The following PRKG1 variants were observed in gnomAD, a reference collection of about 807,000 sequenced individuals.
The protein encoded by PRKG1 is cGMP-dependent protein kinase 1.
A neutral mutation model predicts 88.1 loss-of-function variants in PRKG1; 35 were observed. The observed-to-expected ratio is 0.40, with a 90% CI of 0.30 to 0.53. The LOEUF (loss-of-function observed/expected upper bound fraction) is 0.53. PRKG1 is among the 20% of genes least tolerant of loss of function. PRKG1 has a pLI of 0.59. For missense variants in PRKG1, 540 were observed against 839.8 expected, an observed-to-expected ratio of 0.64 and a Z score of 4.41; for synonymous variants, 303 against 292.5, an observed-to-expected ratio of 1.04 and a Z score of -0.37.
intron 5 of PRKG1, among the ~76,000 whole-genome samples, chr10:51,913,160 C>G (rs192348384): frequency 2.0e-5 from 3 of 152,136 alleles, no homozygotes; most frequent in African/African-American, 7.2e-5. Flanking sequence ...AACGCCTGAC[C>G]TCAGGTGATC....
chr10:51,449,278 C>T lies in PRKG1; in HGVS notation c.479-18445C>T, dbSNP rs116773695. Among the ~76,000 whole-genome samples, 927 of 151,864 alleles carry T rather than the reference C, an allele frequency of 6.1e-3. 6 individuals are homozygous for T. Among genetic ancestry groups the T allele is most frequent in the African/African-American group, 0.021 (880 of 41,464 alleles). On this transcript the variant is annotated intron_variant, in intron 2 of 17. Transcript: ENST00000373980. ...TAAATAAAAATAGTTCAGTTCCTTT[C>T]GTGTTTACTCATTTTTACAGGATGG...
intron 8 of PRKG1, among the ~76,000 whole-genome samples, chr10:52,161,159 T>C (rs1838265441): frequency 6.6e-6 from 1 of 152,060 alleles, no homozygotes; most frequent in Non-Finnish European, 1.5e-5. Flanking sequence ...CATTTTGTGT[T>C]GGCGCTATAA....
chr10:51,845,749 T>C (rs568226019), intron 4 of PRKG1, among the ~76,000 whole-genome samples: 1 of 152,284 alleles, frequency 6.6e-6, no homozygotes, highest in African/African-American at 2.4e-5. Context: ...CTACCACATG[T>C]GTAAACTAGC....
At chr10:51,754,678 T>C (rs1837811584) in intron 3 of PRKG1, among the ~76,000 whole-genome samples, 1 of 152,216 alleles carries the variant, frequency 6.6e-6, no homozygotes, top group Admixed American at 6.5e-5. Context: ...CATGCTGTCT[T>C]GCAGAAGGTG....
At chr10:52,279,946 C>T (rs7085151) in intron 12 of PRKG1, among the ~76,000 whole-genome samples, 380 of 151,972 alleles carry the variant, frequency 2.5e-3, no homozygotes, top group African/African-American at 8.8e-3. Flanking sequence ...TTAAGACGTT[C>T]TGCCCTAGAA....
chr10:51,390,949 G>A (rs183871637), intron 2 of PRKG1, among the ~76,000 whole-genome samples: 1 of 152,112 alleles, frequency 6.6e-6, no homozygotes, highest in Non-Finnish European at 1.5e-5. Context: ...TAATCCTATG[G>A]TTGAAAAACC....
At position 51,737,751 on chromosome 10, in the gene PRKG1, TTA is replaced by T. The variant is rs1564627520; in HGVS notation, c.593-66832_593-66831del. Among the ~76,000 whole-genome samples the T allele has an allele frequency of 3.4e-4, 38 of 112,840 alleles. 1 individual carries two copies. The highest frequency in any genetic ancestry group is 8.9e-4 in the African/African-American group (27 of 30,508). 74.0% of individuals were successfully genotyped at this position (112,840 alleles called of 152,430 possible). On this transcript the variant is annotated intron_variant, in intron 3 of 17. Coordinates refer to ENST00000373980, the MANE Select transcript of PRKG1 (RefSeq NM_006258.4). ...TTTATTTATTTATTAATTATTATTATTATTATTATTATTATTATTATTATTTT... is the reference window on the plus strand; with the variant it reads ...TTTATTTATTTATTAATTATTATTATTTATTATTATTATTATTATTATTTT...
intron 3 of PRKG1, among the ~76,000 whole-genome samples, chr10:51,788,706 G>C (rs1589287734): frequency 1.3e-5 from 2 of 152,234 alleles, no homozygotes; most frequent in East Asian, 1.9e-4. Flanking sequence ...AACTTGAAAG[G>C]GTTCACAAAT....
intron 9 of PRKG1, among the ~76,000 whole-genome samples, chr10:52,241,552 C>A (rs113585905): frequency 2.6e-5 from 4 of 152,122 alleles, no homozygotes; most frequent in African/African-American, 9.7e-5. Context: ...ATTATACTGT[C>A]TTTTTATTGT....
chr10:51,545,401 C>T (rs1467846875), intron 3 of PRKG1, among the ~76,000 whole-genome samples: 4 of 152,106 alleles, frequency 2.6e-5, no homozygotes, highest in Non-Finnish European at 5.9e-5. Context: ...GACTTACTGG[C>T]AACTGTGTGA....
At chr10:52,273,269 C>G (rs900057026) in intron 12 of PRKG1, among the ~76,000 whole-genome samples, 2 of 151,768 alleles carry the variant, frequency 1.3e-5, no homozygotes, top group African/African-American at 4.8e-5. Flanking sequence ...CTTTTATTTT[C>G]CTATGAATAA....
intron 3 of PRKG1, among the ~76,000 whole-genome samples, chr10:51,491,222 T>C (rs902072707): frequency 6.6e-6 from 1 of 152,036 alleles, no homozygotes; most frequent in Admixed American, 6.6e-5. Context: ...CACATAGATG[T>C]TGTATTAGTA....
At chr10:51,185,944 G>T (rs1182755710) in intron 2 of PRKG1, among the ~76,000 whole-genome samples, 1 of 151,534 alleles carries the variant, frequency 6.6e-6, no homozygotes, top group Non-Finnish European at 1.5e-5. Context: ...TCATCAAAGA[G>T]TATATGCATT....
At chr10:52,285,439 A>G (rs924655924) in intron 14 of PRKG1, among the ~76,000 whole-genome samples, 2 of 152,136 alleles carry the variant, frequency 1.3e-5, no homozygotes. Context: ...ATGAGGGGAA[A>G]CAGCCATGAT....
chr10:52,001,496 C>T (rs947285767), intron 5 of PRKG1, among the ~76,000 whole-genome samples: 11 of 151,846 alleles, frequency 7.2e-5, no homozygotes, highest in Admixed American at 1.3e-4. Context: ...TTTTGTCAGT[C>T]ATACCTCAGT....
intron 2 of PRKG1, among the ~76,000 whole-genome samples, chr10:51,296,140 CTTG>C (rs1564434372): frequency 6.6e-6 from 1 of 151,974 alleles, no homozygotes; most frequent in African/African-American, 2.4e-5. Flanking sequence ...GTTTCCTTTT[CTTG>C]TTGTATCTTT....
At chr10:51,753,621 G>C (rs910543175) in intron 3 of PRKG1, among the ~76,000 whole-genome samples, 2 of 152,172 alleles carry the variant, frequency 1.3e-5, no homozygotes, top group Non-Finnish European at 2.9e-5. Flanking sequence ...TTCATTTAGA[G>C]AGCCCAATGC....
At chr10:51,263,758 A>C (rs1589291661) in intron 2 of PRKG1, among the ~76,000 whole-genome samples, 1 of 152,230 alleles carries the variant, frequency 6.6e-6, no homozygotes, top group Non-Finnish European at 1.5e-5. Context: ...GATTTATGAA[A>C]GAATAAATGC....
At chr10:51,515,419 T>G (rs948225707) in intron 3 of PRKG1, among the ~76,000 whole-genome samples, 1 of 152,172 alleles carries the variant, frequency 6.6e-6, no homozygotes, top group African/African-American at 2.4e-5. Flanking sequence ...GTGTGGTATA[T>G]CCAAATAATA....
Sources: gnomAD v4.1 joint callset for allele counts (sites outside exome capture counted in the v4.1 genomes callset) on GRCh38, gnomAD v4.1.1 for gene constraint, MANE v1.5 for transcripts, NCBI Gene and HGNC (gene_info 2026-07-23, HGNC 2026-07-21) for gene names.